SMAGP: variants seen among roughly 807,000 people sequenced by gnomAD.
SMAGP encodes small cell transmembrane and glycosylated protein.
In SMAGP, 7 loss-of-function variants were observed where a neutral mutation model predicts 10.1. The ratio of observed to expected loss-of-function variants is 0.70; its 90% CI spans 0.40 to 1.31. The LOEUF (loss-of-function observed/expected upper bound fraction) is 1.31, where lower values mean the gene tolerates loss of function less well. Ranked by LOEUF, SMAGP falls within the 50% of genes most tolerant of loss-of-function variation. The pLI is 0.01. For synonymous variants in SMAGP, 49 were observed against 47.2 expected, an observed-to-expected ratio of 1.04 and a Z score of -0.16; for missense variants, 113 against 116.5, an observed-to-expected ratio of 0.97 and a Z score of 0.14.
At chr12:51,247,975 A>G (rs1944794564) in intron 2 of SMAGP, among the ~76,000 whole-genome samples, 1 of 152,342 alleles carries the variant, frequency 6.6e-6, no homozygotes, top group South Asian at 2.1e-4. Context: ...GAGCTGAAGC[A>G]GGGGTAAGAG....
At chr12:51,267,282 C>G (rs771605946) in intron 2 of SMAGP, among the ~76,000 whole-genome samples, 1 of 152,090 alleles carries the variant, frequency 6.6e-6, no homozygotes. Flanking sequence ...TAAATCGTCT[C>G]TGTAGCTTCA....
rs1157022274 is a variant in SMAGP at position 51,245,209 on chromosome 12, G to A, written c.*732C>T. The stretch of plus-strand genomic sequence containing the variant: ...TGTCTCAAATCCCTGAGATAGTTCT[G>A]CAAACTTCTAGAACTTTCCTAGGGT... On this transcript the variant is annotated 3_prime_UTR_variant, in exon 4 of 4. Coordinates refer to ENST00000603798, the MANE Select transcript of SMAGP (RefSeq NM_001031628.2). The A allele has an allele frequency of 6.6e-6, 1 of 152,056 alleles. No individual in the cohort carries two copies. Among genetic ancestry groups the A allele is most frequent in the East Asian group, 1.9e-4 (1 of 5,194 alleles). 9.4% of individuals were successfully genotyped at this position (152,056 alleles called of 1,614,324 possible).
chr12:51,262,898 T>C (rs2137308781), intron 2 of SMAGP, among the ~76,000 whole-genome samples: 1 of 152,326 alleles, frequency 6.6e-6, no homozygotes, highest in East Asian at 1.9e-4. Context: ...CCCCGAGTTC[T>C]TTCCATGGGA....
intron 2 of SMAGP, among the ~76,000 whole-genome samples, chr12:51,256,771 C>T (rs1266718312): frequency 8.6e-6 from 1 of 115,720 alleles, no homozygotes; most frequent in Non-Finnish European, 1.8e-5. Flanking sequence ...AAAACCTCCC[C>T]CCCACCCAAA....
rs150014080 is a variant in SMAGP, at chr12:51,258,962, C to T, written c.34+10283G>A. On this transcript the variant is annotated intron_variant, in intron 2 of 3. Coordinates refer to ENST00000603798, the MANE Select transcript of SMAGP (RefSeq NM_001031628.2). ...AGGAGTTCAAAGCCAGCCTGGGCAACATGGGGAGACCCTGTCTCTACCAAA... is the reference window on the plus strand; with the variant it reads ...AGGAGTTCAAAGCCAGCCTGGGCAATATGGGGAGACCCTGTCTCTACCAAA... Among the ~76,000 whole-genome samples the T allele has an allele frequency of 2.5e-4, 28 of 109,860 alleles. No individual in the cohort carries two copies. The East Asian group carries it at 7.4e-3, about 29-fold the overall frequency. 72.1% of individuals were successfully genotyped at this position (109,860 alleles called of 152,430 possible). A position where few individuals can be genotyped will look rare whatever the true frequency, so the allele number is the denominator to read the frequency against.
intron 1 of SMAGP, chr12:51,270,017 C>G (rs2137315533): frequency 6.6e-6 from 1 of 151,786 alleles, no homozygotes; most frequent in African/African-American, 2.4e-5. Flanking sequence ...GCCCCGCGGC[C>G]CCGCCCCCGT....
intron 2 of SMAGP, among the ~76,000 whole-genome samples, chr12:51,252,095 AT>A (rs34168199): frequency 1.0e-3 from 149 of 145,858 alleles, no homozygotes; most frequent in African/African-American, 1.6e-3. Context: ...TCTACATCAG[AT>A]TTTTTTTTTT....
At chr12:51,248,254 T>C (rs1944798737) in intron 2 of SMAGP, among the ~76,000 whole-genome samples, 7 of 152,112 alleles carry the variant, frequency 4.6e-5, no homozygotes. Context: ...ATCCTCATCT[T>C]GCAATACAGA....
At chr12:51,260,742 G>A (rs1420975364) in intron 2 of SMAGP, among the ~76,000 whole-genome samples, 1 of 135,872 alleles carries the variant, frequency 7.4e-6, no homozygotes, top group Non-Finnish European at 1.5e-5. Context: ...CTGGAGTGCA[G>A]CGGCGTGATC....
At chr12:51,253,884 C>G (rs552793906) in intron 2 of SMAGP, among the ~76,000 whole-genome samples, 1 of 151,826 alleles carries the variant, frequency 6.6e-6, no homozygotes, top group African/African-American at 2.4e-5. Flanking sequence ...CCAGCCCAGG[C>G]GAAAGAGCGA....
chr12:51,248,448 TCTCTCTCTCTC>T (rs1565656652), intron 2 of SMAGP, among the ~76,000 whole-genome samples: 26 of 127,256 alleles, frequency 2.0e-4, no homozygotes, highest in Non-Finnish European at 4.2e-4. Flanking sequence ...TCTCTCTCTC[TCTCTCTCTCTC>T]TCTCTCTCTC....
chr12:51,247,398 T>C (rs908578474), intron 2 of SMAGP, among the ~76,000 whole-genome samples: 1 of 152,198 alleles, frequency 6.6e-6, no homozygotes, highest in Non-Finnish European at 1.5e-5. Context: ...AAAACCCTTT[T>C]CTACACTTCC....
At position 51,246,059 on chromosome 12, in the gene SMAGP, A is replaced by G; in HGVS notation, c.176T>C (p.Leu59Pro). 1 of 1,614,000 alleles carries G rather than the reference A, an allele frequency of 6.2e-7. No homozygotes were observed. ...GACGTAGCTGCCTTTGTTCTTGTAC[A>G]GGTAAAAGAAGATCAAGATCACGAC... ...LSVVILIFFY[L>P]YKNKGSYVTY... Residue 59 changes from leucine to proline, a missense_variant, in exon 4 of 4, where the codon CTG (leucine) becomes CCG (proline). By Grantham distance (98) the Leu-to-Pro change is moderately conservative. Transcript: ENST00000603798.
Position 51,245,746 on chromosome 12 carries a change from T to G in SMAGP, c.*195A>C. On this transcript the variant is annotated 3_prime_UTR_variant, in exon 4 of 4. Transcript: ENST00000603798. ...TAGTAAGAGGGCCTGGTTAAAGATA[T>G]CATAAACAGCTTTCTCCATGTCCCT... The G allele has an allele frequency of 1.7e-6, 1 of 574,788 alleles. No homozygotes were observed. Among genetic ancestry groups the G allele is most frequent in the Non-Finnish European group, 3.0e-6 (1 of 327,958 alleles). 35.6% of individuals were successfully genotyped at this position (574,788 alleles called of 1,614,324 possible). A position where few individuals can be genotyped will look rare whatever the true frequency, so the allele number is the denominator to read the frequency against.
intron 2 of SMAGP, among the ~76,000 whole-genome samples, chr12:51,257,992 A>T (rs959186368): frequency 7.2e-5 from 11 of 152,138 alleles, no homozygotes; most frequent in African/African-American, 2.7e-4. Flanking sequence ...ATCTCTACAA[A>T]AAAAATAAAA....
chr12:51,269,405 G>C (rs1945006178), intron 1 of SMAGP, 89 bp from the exon 2 acceptor site: 1 of 1,018,150 alleles, frequency 9.8e-7, no homozygotes, highest in Non-Finnish European at 1.5e-6. Flanking sequence ...TCTGGTGCCA[G>C]GTTCTCCCAA....
rs113520533 is a variant in SMAGP, at chr12:51,252,156, C to T, written c.35-5325G>A. On this transcript the variant is annotated intron_variant, in intron 2 of 3. Transcript: ENST00000603798. ...TCACCCAGGCTGGAGTGCAGTGGCG[C>T]GATGTTGGCTCACTGCAACCTCTGT... Among the ~76,000 whole-genome samples, 828 of 146,200 alleles carry T rather than the reference C, an allele frequency of 5.7e-3. 8 individuals carry two copies. The highest frequency in any genetic ancestry group is 0.02 in the African/African-American group (794 of 39,278).
At chr12:51,262,486 G>GA (rs1382811989) in intron 2 of SMAGP, among the ~76,000 whole-genome samples, 1 of 151,688 alleles carries the variant, frequency 6.6e-6, no homozygotes, top group Non-Finnish European at 1.5e-5. Flanking sequence ...CTCAAAAAAA[G>GA]AAAAAAAGGA....
At chr12:51,252,670 C>T (rs576804900) in intron 2 of SMAGP, among the ~76,000 whole-genome samples, 1 of 151,668 alleles carries the variant, frequency 6.6e-6, no homozygotes, top group East Asian at 2.0e-4. Context: ...GGATTACAGG[C>T]GTGAGCCACA....
Sources: allele counts gnomAD v4.1 joint callset (sites outside exome capture counted in the v4.1 genomes callset), GRCh38; gene constraint gnomAD v4.1.1; transcripts MANE v1.5; gene names NCBI Gene and HGNC (gene_info 2026-07-23, HGNC 2026-07-21).